The following ZNF786 variants were observed in gnomAD, a reference collection of about 807,000 sequenced individuals.
ZNF786 encodes the protein zinc finger protein 786.
A neutral mutation model predicts 63.1 loss-of-function variants in ZNF786; 56 were observed. The observed-to-expected ratio is 0.89, with a 90% CI of 0.72 to 1.11. The LOEUF (loss-of-function observed/expected upper bound fraction) is 1.11, where lower values mean the gene tolerates loss of function less well. ZNF786 is among the 50% of genes least tolerant of loss of function. The pLI is 0.00. For synonymous variants in ZNF786, 485 were observed against 406.9 expected, an observed-to-expected ratio of 1.19 and a Z score of -2.31; for missense variants, 1,213 against 1,041.8, an observed-to-expected ratio of 1.16 and a Z score of -2.26.
Position 149,071,955 on chromosome 7 carries a change from C to A in ZNF786, c.817G>T (p.Gly273Cys). 6.2e-7 allele frequency: 1 copy of A among 1,611,714 alleles called. No individual in the cohort carries two copies. Among genetic ancestry groups the A allele is most frequent in the Non-Finnish European group, 8.5e-7 (1 of 1,179,734 alleles). ...AGCTCGTGTCGGAAGCACATTTCAC[C>A]GTCAGCGTTCCGGAAGGGGCCCCTC... is the stretch of plus-strand genomic sequence containing the variant. ...TGRGPFRNAD[G>C]EMCFRHELTH... is the part of the protein sequence containing the mutation. Residue 273 changes from glycine to cysteine, a missense_variant, in exon 4 of 4, where the codon GGT (glycine) becomes TGT (cysteine). By Grantham distance (159) the Gly-to-Cys change is radical. Transcript: ENST00000491431.
chr7:149,079,341 G>C (rs1417264501), intron 2 of ZNF786, among the ~76,000 whole-genome samples: 5 of 151,724 alleles, frequency 3.3e-5, no homozygotes, highest in Non-Finnish European at 7.4e-5. Flanking sequence ...CCCGTAAGGC[G>C]GAGCTTGCAG....
At chr7:149,088,754 C>T (rs1825777455) in intron 1 of ZNF786, among the ~76,000 whole-genome samples, 1 of 152,150 alleles carries the variant, frequency 6.6e-6, no homozygotes, top group African/African-American at 2.4e-5. Context: ...TGTGGTTCCT[C>T]TCTTCAATCA....
chr7:149,071,816 C>T lies in ZNF786; in HGVS notation c.956G>A (p.Ser319Asn), dbSNP rs916758796. Residue 319 changes from serine to asparagine, a missense_variant, in exon 4 of 4, where the codon AGC becomes AAC. Coordinates refer to ENST00000491431, the MANE Select transcript of ZNF786 (RefSeq NM_152411.4). Reference protein sequence around the residue: ...DSTQARRCQHSREGPASWREG... With the variant: ...DSTQARRCQHNREGPASWREG... The stretch of plus-strand genomic sequence containing the variant: ...TCTCCAAGAGGCCGGCCCCTCCCGG[C>T]TGTGCTGGCACCGGCGAGCCTGCGT... 12 of 1,588,878 alleles carry T rather than the reference C, an allele frequency of 7.6e-6. No individual in the cohort carries two copies. The Middle Eastern group carries it at 6.6e-4, about 88-fold the overall frequency.
chr7:149,080,678 C>T lies in ZNF786; in HGVS notation c.58G>A (p.Glu20Lys), dbSNP rs762073754. The T allele has an allele frequency of 3.3e-5, 53 of 1,611,416 alleles. No individual in the cohort carries two copies. The highest frequency in any genetic ancestry group is 4.1e-5 in the Non-Finnish European group (48 of 1,179,424). ...TFEDVAIYFS[E>K]QEWQDLEAWQ... ...GCCTCTAGATCCTGCCATTCTTGCT[C>T]GGAGAAATAAATAGCAACATCCTCA... is the stretch of plus-strand genomic sequence containing the variant. Residue 20 changes from glutamate (E) to lysine (K), a missense_variant, in exon 2 of 4, where the codon GAG becomes AAG. Coordinates refer to ENST00000491431, the MANE Select transcript of ZNF786 (RefSeq NM_152411.4).
chr7:149,083,755 TCA>T (rs1491566792), intron 1 of ZNF786, among the ~76,000 whole-genome samples: 1 of 152,196 alleles, frequency 6.6e-6, no homozygotes, highest in Admixed American at 6.5e-5. Context: ...CCATATATAC[TCA>T]GTGTTTAGCT....
intron 3 of ZNF786, among the ~76,000 whole-genome samples, chr7:149,073,185 G>T (rs558606681): frequency 6.6e-6 from 1 of 152,146 alleles, no homozygotes; most frequent in African/African-American, 2.4e-5. Context: ...CTTCACTTTC[G>T]AAAGAAGCAC....
intron 3 of ZNF786, among the ~76,000 whole-genome samples, chr7:149,072,911 T>A (rs1268344244): frequency 1.3e-5 from 2 of 152,200 alleles, no homozygotes; most frequent in Non-Finnish European, 2.9e-5. Context: ...GTGCATGTAC[T>A]CTGTTTAAGT....
chr7:149,085,346 A>G (rs1379376199), intron 1 of ZNF786, among the ~76,000 whole-genome samples: 1 of 152,032 alleles, frequency 6.6e-6, no homozygotes, highest in African/African-American at 2.4e-5. Flanking sequence ...TAATCCCAGT[A>G]AGTTGGGAGC....
Position 149,071,917 on chromosome 7 carries a change from G to A in ZNF786, c.855C>T (p.Ser285=), listed in dbSNP as rs1414048535. The part of the protein sequence containing the change: ...MCFRHELTHP[S]HRLPQQGEKP... ...TCTCCCCCTGCTGCGGGAGGCGGTG[G>A]CTGGGATGGGTCAGCTCGTGTCGGA... The change falls in exon 4 of 4, where the codon AGC becomes AGT. Residue 285 remains serine (S), a synonymous_variant. Transcript: ENST00000491431. The A allele has an allele frequency of 1.9e-6, 3 of 1,606,624 alleles. No individual in the cohort carries two copies. Among genetic ancestry groups the A allele is most frequent in the South Asian group, 1.1e-5 (1 of 90,908 alleles).
Position 149,071,404 on chromosome 7 carries a change from G to A in ZNF786, c.1368C>T (p.Ala456=). 2.5e-6 allele frequency: 4 copies of A among 1,612,814 alleles called. No homozygotes were observed. The highest frequency in any genetic ancestry group is 3.4e-6 in the Non-Finnish European group (4 of 1,179,656). The change falls in exon 4 of 4, where the codon GCC becomes GCT. Residue 456 remains alanine (A), a synonymous_variant. Coordinates refer to ENST00000491431, the MANE Select transcript of ZNF786 (RefSeq NM_152411.4). ...TCTGACGGAAGTTCCTGCCACACTT[G>A]GCACACCGGAAAGGCTTCTCTCCGC... The part of the protein sequence containing the change: ...VHSGEKPFRC[A]KCGRNFRQRG...
At chr7:149,084,563 T>C (rs1825700843) in intron 1 of ZNF786, among the ~76,000 whole-genome samples, 1 of 152,324 alleles carries the variant, frequency 6.6e-6, no homozygotes, top group Non-Finnish European at 1.5e-5. Context: ...ATGCTGAGCA[T>C]TTCTTCATAA....
rs1326608219 is a variant in ZNF786 at position 149,071,876 on chromosome 7, G to T, written c.896C>A (p.Thr299Asn). 1 of 1,601,500 alleles carries T rather than the reference G, an allele frequency of 6.2e-7. No homozygotes were observed. Among genetic ancestry groups the T allele is most frequent in the Admixed American group, 1.7e-5 (1 of 59,798 alleles). The change falls in exon 4 of 4, where the codon ACC becomes AAC. Residue 299 changes from threonine to asparagine, a missense_variant. Transcript: ENST00000491431. ...TGGGAGGGAGCGCTTGCCGCATGGGGTGCACTGGGCAGGCTTCTCCCCCTG... is the reference window on the plus strand; with the variant it reads ...TGGGAGGGAGCGCTTGCCGCATGGGTTGCACTGGGCAGGCTTCTCCCCCTG... ...PQQGEKPAQC[T>N]PCGKRSLPVD...
Position 149,070,520 on chromosome 7 carries a change from A to C in ZNF786, c.2252T>G (p.Ile751Ser), listed in dbSNP as rs1825381938. ...FIYKSKLAEH[I>S]RVHTKSCPAP... ...AGGACAGGATTTTGTGTGTACTCTG[A>C]TGTGCTCCGCAAGCTTAGACTTGTA... Residue 751 changes from isoleucine (I) to serine (S), a missense_variant, in exon 4 of 4, where the codon ATC becomes AGC. Ile to Ser is a moderately radical substitution (Grantham distance 142, BLOSUM62 -2). Coordinates refer to ENST00000491431, the MANE Select transcript of ZNF786 (RefSeq NM_152411.4). 1 of 1,613,968 alleles carries C rather than the reference A, an allele frequency of 6.2e-7. No homozygotes were observed. The highest frequency in any genetic ancestry group is 8.5e-7 in the Non-Finnish European group (1 of 1,179,894).
Position 149,070,247 on chromosome 7 carries a change from G to A in ZNF786, c.*176C>T. The A allele has an allele frequency of 2.8e-6, 2 of 718,678 alleles. No homozygotes were observed. Among genetic ancestry groups the A allele is most frequent in the Non-Finnish European group, 4.4e-6 (2 of 450,012 alleles). The allele number at this position is 718,678 out of a possible 1,614,324, so 44.5% of individuals were successfully genotyped here. Reference sequence around the variant, plus strand: ...AAAAAAAGAAAGAAATATAATTGGTGATGCTTCTGAAGAGAAAATCCTTTG... The same window carrying A: ...AAAAAAAGAAAGAAATATAATTGGTAATGCTTCTGAAGAGAAAATCCTTTG... On this transcript the variant is annotated 3_prime_UTR_variant, in exon 4 of 4. Coordinates refer to ENST00000491431, the MANE Select transcript of ZNF786 (RefSeq NM_152411.4).
intron 1 of ZNF786, among the ~76,000 whole-genome samples, chr7:149,084,909 G>T (rs1056755367): frequency 1.3e-5 from 2 of 152,210 alleles, no homozygotes; most frequent in South Asian, 2.1e-4. Flanking sequence ...ATCTTCCAGG[G>T]TTTTTATAAT....
In ZNF786 at chr7:149,071,111, GCCTTCAGGATGC is replaced by G; in HGVS notation, c.1649_1660del (p.Gly550_Lys553del). On this transcript the variant is annotated inframe_deletion, in exon 4 of 4. Coordinates refer to ENST00000491431, the MANE Select transcript of ZNF786 (RefSeq NM_152411.4). ...CTCCTTGCTGTGCGTGTGCTGGTGGGCCTTCAGGATGCCCTTCAGGCGGAAGCGCTTGTCGCA... is the reference window on the plus strand; with the variant it reads ...CTCCTTGCTGTGCGTGTGCTGGTGGGCCTTCAGGCGGAAGCGCTTGTCGCA... 1 of 1,606,020 alleles carries G rather than the reference GCCTTCAGGATGC, an allele frequency of 6.2e-7. No individual in the cohort carries two copies. The highest frequency in any genetic ancestry group is 8.5e-7 in the Non-Finnish European group (1 of 1,176,944).
chr7:149,088,590 T>G (rs1825774586), intron 1 of ZNF786, among the ~76,000 whole-genome samples: 1 of 152,242 alleles, frequency 6.6e-6, no homozygotes, highest in Non-Finnish European at 1.5e-5. Flanking sequence ...TCCTTACTTT[T>G]AAAACTTTTT....
At position 149,070,268 on chromosome 7, in the gene ZNF786, C is replaced by CT; in HGVS notation, c.*154dup. The CT allele has an allele frequency of 1.1e-6, 1 of 944,358 alleles. No homozygotes were observed. 58.5% of individuals were successfully genotyped at this position (944,358 alleles called of 1,614,324 possible). On this transcript the variant is annotated 3_prime_UTR_variant, in exon 4 of 4. Coordinates refer to ENST00000491431, the MANE Select transcript of ZNF786 (RefSeq NM_152411.4). ...TGGTGATGCTTCTGAAGAGAAAATC[C>CT]TTTGTGGTTCTTCATATTCCTAACT...
rs201062860 is a variant in ZNF786 at position 149,074,424 on chromosome 7, A to G, written c.260T>C (p.Met87Thr). 1,533 of 1,613,914 alleles carry G rather than the reference A, an allele frequency of 9.5e-4. No individual in the cohort carries two copies. The highest frequency in any genetic ancestry group is 1.2e-3 in the Non-Finnish European group (1,451 of 1,179,846). ...TTCCTCAAAACCTGGATCAAAATGC[A>G]TATCAACAGAGGAGCAAATTATGTT... is the stretch of plus-strand genomic sequence containing the variant. ...SGNIICSSVD[M>T]HFDPGFEEQL... The change falls in exon 3 of 4, where the codon ATG (methionine) becomes ACG (threonine). Residue 87 changes from methionine (M) to threonine (T), a missense_variant. Transcript: ENST00000491431.
Sources: allele counts gnomAD v4.1 joint callset (sites outside exome capture counted in the v4.1 genomes callset), GRCh38; gene constraint gnomAD v4.1.1; transcripts MANE v1.5; gene names NCBI Gene and HGNC (gene_info 2026-07-23, HGNC 2026-07-21).